PRDM2: variants seen among roughly 807,000 people sequenced by gnomAD.
The protein encoded by PRDM2 is PR domain zinc finger protein 2.
In PRDM2, 30 loss-of-function variants were observed where a neutral mutation model predicts 130.0. The ratio of observed to expected loss-of-function variants is 0.23; its 90% CI spans 0.17 to 0.31. PRDM2 has a LOEUF of 0.31. Ranked by LOEUF, PRDM2 falls within the 10% of genes least tolerant of loss-of-function variation. The pLI is 1.00. For missense variants in PRDM2, 2,011 were observed against 2,108.4 expected (o/e 0.95, Z 0.90); for synonymous variants, 871 against 782.4 (o/e 1.11, Z -1.89).
chr1:13,775,385 A>C (rs554230189), intron 7 of PRDM2, among the ~76,000 whole-genome samples: 4 of 152,076 alleles, frequency 2.6e-5, no homozygotes, highest in Non-Finnish European at 5.9e-5. Context: ...TCTCATTTCA[A>C]CTCTTTTGGC....
At position 13,781,560 on chromosome 1, in the gene PRDM2, T is replaced by A. The variant is rs746270168; in HGVS notation, c.3765T>A (p.Thr1255=). The A allele has an allele frequency of 6.2e-7, 1 of 1,612,364 alleles. No homozygotes were observed. ...MQSLPEDPLE[T]SKEEEELNDS... is the part of the protein sequence containing the mutation. ...GCTTGCCAGAAGATCCTTTAGAAAC[T>A]TCTAAAGAAGAAGAGGAGTTAAATG... Residue 1255 remains threonine, a synonymous_variant, in exon 8 of 10, where the codon ACT becomes ACA. Coordinates refer to ENST00000311066, the MANE Select transcript of PRDM2 (RefSeq NM_001393986.1). The surrounding 1 kb of genome is among the most constrained non-coding windows in gnomAD (Gnocchi z 6.1).
intron 4 of PRDM2, among the ~76,000 whole-genome samples, chr1:13,741,522 A>T (rs189960324): frequency 8.5e-5 from 13 of 152,296 alleles, no homozygotes; most frequent in Non-Finnish European, 1.6e-4. Flanking sequence ...GCTGAATTGT[A>T]TAGCCCTGCA....
At position 13,750,155 on chromosome 1, in the gene PRDM2, GT is replaced by G. The variant is rs1289655911; in HGVS notation, c.511+669del. ...GACTTCTGATGATTTCGAACAAAAG[GT>G]AAAGTGTAGTCACACTTAAAAAGGG... On this transcript the variant is annotated intron_variant, in intron 6 of 9. Coordinates refer to ENST00000311066, the MANE Select transcript of PRDM2 (RefSeq NM_001393986.1). 8.5e-5 allele frequency among the ~76,000 whole-genome samples: 13 copies of G among 152,306 alleles called. No homozygotes were observed. In the East Asian group the frequency reaches 2.5e-3, roughly 29 times the overall value.
At chr1:13,707,546 A>T (rs1057388825) in intron 1 of PRDM2, among the ~76,000 whole-genome samples, 1 of 152,224 alleles carries the variant, frequency 6.6e-6, no homozygotes, top group African/African-American at 2.4e-5. Context: ...TATACATCTA[A>T]TGTAGGGAAA....
At chr1:13,728,167 A>G (rs1642985057) in intron 2 of PRDM2, among the ~76,000 whole-genome samples, 1 of 152,242 alleles carries the variant, frequency 6.6e-6, no homozygotes, top group Admixed American at 6.5e-5. Context: ...AAGTTAGCTT[A>G]CAAAGAGCCA....
intron 9 of PRDM2, among the ~76,000 whole-genome samples, chr1:13,821,641 AT>A (rs1645353837): frequency 6.6e-6 from 1 of 151,762 alleles, no homozygotes; most frequent in South Asian, 2.1e-4. Flanking sequence ...GTATTTTTGT[AT>A]TTTTAGTAGA....
chr1:13,782,721 A>G lies in PRDM2; in HGVS notation c.4926A>G (p.Arg1642=). The change falls in exon 8 of 10, where the codon AGA becomes AGG. Residue 1642 remains arginine, a synonymous_variant. Coordinates refer to ENST00000311066, the MANE Select transcript of PRDM2 (RefSeq NM_001393986.1). Reference sequence around the variant, plus strand: ...CAGACCGGTTCAATATAAAATCTAGAGAGCGGAGTGGGGGGCCAGTCACCC... The same window carrying G: ...CAGACCGGTTCAATATAAAATCTAGGGAGCGGAGTGGGGGGCCAGTCACCC... The part of the protein sequence containing the change: ...KRTDRFNIKS[R]ERSGGPVTRS... The G allele has an allele frequency of 6.2e-7, 1 of 1,613,926 alleles. No homozygotes were observed. The highest frequency in any genetic ancestry group is 8.5e-7 in the Non-Finnish European group (1 of 1,179,964).
At position 13,749,414 on chromosome 1, in the gene PRDM2, T is replaced by C. The variant is rs752005423; in HGVS notation, c.438T>C (p.Pro146=). The change falls in exon 6 of 10, where the codon CCT becomes CCC. Residue 146 remains proline (P), a synonymous_variant. Coordinates refer to ENST00000311066, the MANE Select transcript of PRDM2 (RefSeq NM_001393986.1). ...TCTGGTACAATGGGGAAGACAACCCTGAGATAGCAGCTGCGATTGAGGAAG... is the reference window on the plus strand; with the variant it reads ...TCTGGTACAATGGGGAAGACAACCCCGAGATAGCAGCTGCGATTGAGGAAG... The part of the protein sequence containing the change: ...LLVWYNGEDN[P]EIAAAIEEER... The C allele has an allele frequency of 6.7e-6, 10 of 1,502,296 alleles. No individual in the cohort carries two copies. The highest frequency in any genetic ancestry group is 5.7e-5 in the South Asian group (5 of 88,082). The allele number at this position is 1,502,296 out of a possible 1,614,324, so 93.1% of individuals were successfully genotyped here.
chr1:13,820,993 C>G (rs1005150531), intron 9 of PRDM2, among the ~76,000 whole-genome samples: 4 of 152,004 alleles, frequency 2.6e-5, no homozygotes, highest in African/African-American at 9.7e-5. Context: ...AGGGATGCCT[C>G]CTCTCTTGAA....
rs529088696 is a variant in PRDM2 at position 13,739,975 on chromosome 1, G to A, written c.232-2030G>A. ...TTTAGTATTATGAGGTTTTGGCTAC[G>A]TGTATTCGTTTGTGAATTACTTCTT... On this transcript the variant is annotated intron_variant, in intron 4 of 9. Transcript: ENST00000311066. Among the ~76,000 whole-genome samples, 16 of 152,226 alleles carry A rather than the reference G, an allele frequency of 1.1e-4. No individual in the cohort carries two copies. In the East Asian group the frequency reaches 1.5e-3, roughly 15 times the overall value.
Position 13,782,049 on chromosome 1 carries a change from A to G in PRDM2, c.4254A>G (p.Lys1418=), listed in dbSNP as rs781313274. 1.2e-6 allele frequency: 2 copies of G among 1,614,158 alleles called. No individual in the cohort carries two copies. The highest frequency in any genetic ancestry group is 3.3e-5 in the Admixed American group (2 of 60,014). ...GCAAAATGTCGTCGAATAAGCTCAA[A>G]TTAAATGCATTGAAGAAAAAAAATC... is the stretch of plus-strand genomic sequence containing the variant. ...ELSKMSSNKL[K]LNALKKKNQL... Residue 1418 remains lysine, a synonymous_variant, in exon 8 of 10, where the codon AAA becomes AAG. Transcript: ENST00000311066.
intron 3 of PRDM2, 93 bp downstream of exon 3, chr1:13,731,210 C>A: frequency 2.1e-6 from 2 of 957,442 alleles, no homozygotes; most frequent in South Asian, 1.4e-5. Context: ...GGGAGCGCAC[C>A]ATAAAAGCAG....
At chr1:13,720,210 T>A (rs558643298) in intron 2 of PRDM2, among the ~76,000 whole-genome samples, 3 of 152,318 alleles carry the variant, frequency 2.0e-5, no homozygotes, top group Non-Finnish European at 2.9e-5. Context: ...TATATACTTT[T>A]AAAAATAAAA....
chr1:13,822,414 G>T (rs2473232), intron 9 of PRDM2, among the ~76,000 whole-genome samples: 2,992 of 58,358 alleles, frequency 0.051, 70 homozygotes, highest in African/African-American at 0.15. Context: ...TTTTTTTTTT[G>T]AGACAGAGTC....
At chr1:13,718,796 A>C (rs1246031611) in intron 2 of PRDM2, among the ~76,000 whole-genome samples, 1 of 151,968 alleles carries the variant, frequency 6.6e-6, no homozygotes, top group East Asian at 1.9e-4. Context: ...TAGGTATCCT[A>C]CTTGCTTCAT....
chr1:13,749,649 CG>C (rs1242567026), intron 6 of PRDM2, among the ~76,000 whole-genome samples, 162 bp downstream of exon 6: 3 of 151,216 alleles, frequency 2.0e-5, no homozygotes, highest in Non-Finnish European at 4.4e-5. Flanking sequence ...GGCCCTGCCC[CG>C]GCCCCGCTCC....
At chr1:13,746,526 G>GTTTT (rs1173846807) in intron 5 of PRDM2, among the ~76,000 whole-genome samples, 1 of 143,866 alleles carries the variant, frequency 7.0e-6, no homozygotes, top group East Asian at 2.0e-4. Flanking sequence ...TCTACTACTT[G>GTTTT]TTTTTATTTA....
At position 13,767,467 on chromosome 1, in the gene PRDM2, A is replaced by ATT. The variant is rs372707092; in HGVS notation, c.512-5595_512-5594dup. 2.9e-4 allele frequency among the ~76,000 whole-genome samples: 33 copies of ATT among 113,980 alleles called. No individual in the cohort carries two copies. In the South Asian group the frequency reaches 3.8e-3, roughly 13 times the overall value. 74.8% of individuals were successfully genotyped at this position (113,980 alleles called of 152,430 possible). Reference sequence around the variant, plus strand: ...CCACCACGCACAGCTAATTTTTTCTATTTTTTTTTTTTTTTTTGGTAGATA... The same window carrying ATT: ...CCACCACGCACAGCTAATTTTTTCTATTTTTTTTTTTTTTTTTTTGGTAGATA... On this transcript the variant is annotated intron_variant, in intron 6 of 9. Transcript: ENST00000311066.
At chr1:13,707,615 G>T (rs1375413488) in intron 1 of PRDM2, among the ~76,000 whole-genome samples, 20 of 152,216 alleles carry the variant, frequency 1.3e-4, no homozygotes, top group Admixed American at 1.3e-3. Context: ...TTTGCAGGAG[G>T]TAATAATGGC....
Sources: gnomAD v4.1 joint callset for allele counts (sites outside exome capture counted in the v4.1 genomes callset) on GRCh38, gnomAD v4.1.1 for gene constraint, Gnocchi (gnomAD v3.1) non-coding constraint, MANE v1.5 for transcripts, NCBI Gene and HGNC (gene_info 2026-07-23, HGNC 2026-07-21) for gene names.